LRRC9: variants seen among roughly 807,000 people sequenced by gnomAD.
LRRC9 encodes leucine-rich repeat-containing protein 9.
In LRRC9, 122 loss-of-function variants were observed where a neutral mutation model predicts 63.2. That is an observed-to-expected ratio of 1.93 (90% CI 1.67 to 2.24). LRRC9 has a LOEUF of 2.24. Among genes scored for constraint, LRRC9 ranks in the 30% most tolerant of loss-of-function variants. The pLI is 0.00. For synonymous variants in LRRC9, 366 were observed against 213.1 expected (o/e 1.72, Z -6.25); for missense variants, 1,071 against 627.7 (o/e 1.71, Z -7.55).
intron 1 of LRRC9, among the ~76,000 whole-genome samples, chr14:59,920,774 T>A (rs1888704105): frequency 6.6e-6 from 1 of 152,248 alleles, no homozygotes; most frequent in African/African-American, 2.4e-5. Flanking sequence ...ATGGTCCTTT[T>A]TACTCTATCA....
At chr14:60,044,977 T>A (rs181685798) in intron 29 of LRRC9, among the ~76,000 whole-genome samples, 1 of 152,256 alleles carries the variant, frequency 6.6e-6, no homozygotes, top group East Asian at 1.9e-4. Context: ...TAGTGTTCAG[T>A]GCATAGATAT....
At chr14:59,931,999 A>G in exon 6 of LRRC9, 1 of 700,276 alleles carries the variant, frequency 1.4e-6, no homozygotes, top group Non-Finnish European at 2.6e-6. Flanking sequence ...GAACAACTGG[A>G]AAGATTAAAC....
chr14:59,952,366 G>A (rs983251636), intron 8 of LRRC9, among the ~76,000 whole-genome samples: 1 of 152,122 alleles, frequency 6.6e-6, no homozygotes, highest in Non-Finnish European at 1.5e-5. Flanking sequence ...GCTCGCGCAC[G>A]GTGCGCGCAC....
rs1881600150 is a variant in LRRC9 at position 59,940,114 on chromosome 14, G to A, written c.726+1542G>A. The stretch of plus-strand genomic sequence containing the variant: ...CTGAGATTCTCATACATTTGGTTCA[G>A]TCTTGTAAACGTCAGGAGTAGCATA... On this transcript the variant is annotated intron_variant, in intron 7 of 31. Coordinates refer to ENST00000445360, the Ensembl canonical transcript of LRRC9. Among the ~76,000 whole-genome samples, 6 of 152,098 alleles carry A rather than the reference G, an allele frequency of 3.9e-5. 1 individual carries two copies. In the Middle Eastern group the frequency reaches 0.017, roughly 431 times the overall value.
intron 30 of LRRC9, chr14:60,054,039 C>T (rs1595121894): frequency 2.5e-6 from 1 of 400,924 alleles, no homozygotes; most frequent in South Asian, 1.9e-5. Flanking sequence ...AACCAGAAAC[C>T]AAGGACATTA....
rs1889662501 is a variant in LRRC9 at position 59,931,064 on chromosome 14, A to T, written c.408+6A>T. On this transcript the variant is annotated splice_donor_region_variant and intron_variant, in intron 4 of 31. Transcript: ENST00000445360. ...ATACAATTAAAAATATTGAGGTAAG[A>T]TAATAATTTCAATTATCTATATGTA... 1 of 364,176 alleles carries T rather than the reference A, an allele frequency of 2.7e-6. No homozygotes were observed. Among genetic ancestry groups the T allele is most frequent in the East Asian group, 4.1e-5 (1 of 24,172 alleles). 22.6% of individuals were successfully genotyped at this position (364,176 alleles called of 1,614,324 possible).
rs192560991 is a variant in LRRC9, at chr14:59,957,739, G to T, written c.883-2079G>T. On this transcript the variant is annotated intron_variant, in intron 8 of 31. Coordinates refer to ENST00000445360, the Ensembl canonical transcript of LRRC9. ...GGTTTTTGGAATTTTCAGCGTTTTT[G>T]TGCTGGTTTTTCCTCATCTTCATGG... 3.2e-4 allele frequency among the ~76,000 whole-genome samples: 48 copies of T among 152,244 alleles called. No homozygotes were observed. The East Asian group carries it at 8.3e-3, about 26-fold the overall frequency.
At chr14:59,976,024 A>T (rs1033032813) in intron 13 of LRRC9, among the ~76,000 whole-genome samples, 3 of 152,206 alleles carry the variant, frequency 2.0e-5, no homozygotes, top group African/African-American at 7.2e-5. Flanking sequence ...GCAGCATTTG[A>T]TTCTTATAGG....
In LRRC9 at chr14:59,930,070, T is replaced by C. The variant is rs1479888794; in HGVS notation, c.268-848T>C. Among the ~76,000 whole-genome samples, 1 of 151,904 alleles carries C rather than the reference T, an allele frequency of 6.6e-6. No individual in the cohort carries two copies. ...TGCACATGCACCCCTGAACTTAAAA[T>C]ATAAGTTCAATAAATAAATAAATTG... On this transcript the variant is annotated intron_variant, in intron 3 of 31. Coordinates refer to ENST00000445360, the Ensembl canonical transcript of LRRC9. The surrounding 1 kb of genome is among the most constrained non-coding windows in gnomAD (Gnocchi z 4.9).
intron 22 of LRRC9, 133 bp from the exon 23 acceptor site, chr14:60,007,959 A>ATT: frequency 2.4e-6 from 1 of 424,808 alleles, no homozygotes; most frequent in Non-Finnish European, 4.1e-6. Flanking sequence ...AAAAAAAAAA[A>ATT]AAAGTATACT....
In LRRC9 at chr14:60,017,594, A is replaced by G. The variant is rs1196465798; in HGVS notation, c.3318-777A>G. Among the ~76,000 whole-genome samples the G allele has an allele frequency of 6.6e-6, 1 of 152,036 alleles. No homozygotes were observed. Among genetic ancestry groups the G allele is most frequent in the African/African-American group, 2.4e-5 (1 of 41,422 alleles). On this transcript the variant is annotated intron_variant, in intron 24 of 31. Coordinates refer to ENST00000445360, the Ensembl canonical transcript of LRRC9. The surrounding 1 kb of genome is among the most constrained non-coding windows in gnomAD (Gnocchi z 4.0). Reference sequence around the variant, plus strand: ...GCTCCCACTTCTTGGGGGCTGAAACATTTCTTTCATCTTTCTTGTAGCCTT... The same window carrying G: ...GCTCCCACTTCTTGGGGGCTGAAACGTTTCTTTCATCTTTCTTGTAGCCTT...
At chr14:60,028,249 T>A in intron 28 of LRRC9, 148 bp downstream of exon 28, 1 of 579,700 alleles carries the variant, frequency 1.7e-6, no homozygotes. Context: ...ATAGAAATAG[T>A]CTGTGATGCA....
chr14:60,038,002 G>A (rs1207468502), intron 29 of LRRC9, among the ~76,000 whole-genome samples: 1 of 152,142 alleles, frequency 6.6e-6, no homozygotes, highest in Non-Finnish European at 1.5e-5. Flanking sequence ...AGTTTTCCCA[G>A]CACCATTTAT....
At chr14:59,946,826 G>T (rs1475318275) in intron 8 of LRRC9, among the ~76,000 whole-genome samples, 1 of 141,150 alleles carries the variant, frequency 7.1e-6, no homozygotes, top group Non-Finnish European at 1.5e-5. Context: ...TCCCTACAAA[G>T]GACATGAACT....
chr14:60,025,436 AG>A, intron 27 of LRRC9, among the ~76,000 whole-genome samples: 1 of 152,142 alleles, frequency 6.6e-6, no homozygotes, highest in East Asian at 1.9e-4. Context: ...CATACAAAAA[AG>A]CAGACCACCT....
rs1440642088 is a variant in LRRC9, at chr14:59,990,598, G to A, written c.2211+5374G>A. On this transcript the variant is annotated intron_variant, in intron 17 of 31. Coordinates refer to ENST00000445360, the Ensembl canonical transcript of LRRC9. The surrounding 1 kb of genome is among the most constrained non-coding windows in gnomAD (Gnocchi z 4.2). ...TTAAAAAAAAAAACAATTTTGTAGA[G>A]ATGGGGTTTCACTATGGTGCCTAGG... 6.6e-6 allele frequency among the ~76,000 whole-genome samples: 1 copy of A among 151,856 alleles called. No individual in the cohort carries two copies. Among genetic ancestry groups the A allele is most frequent in the East Asian group, 1.9e-4 (1 of 5,170 alleles).
intron 17 of LRRC9, among the ~76,000 whole-genome samples, chr14:59,993,151 A>G (rs531846196): frequency 2.0e-5 from 3 of 152,358 alleles, no homozygotes; most frequent in African/African-American, 7.2e-5. Flanking sequence ...AGTGGGGACC[A>G]ATATTCAACA....
intron 6 of LRRC9, among the ~76,000 whole-genome samples, chr14:59,934,662 G>A (rs1015422550): frequency 6.6e-6 from 1 of 152,128 alleles, no homozygotes; most frequent in African/African-American, 2.4e-5. Context: ...GTGTGTGCAC[G>A]CATGCACGTG....
chr14:60,050,998 G>C (rs1041103005), intron 29 of LRRC9, among the ~76,000 whole-genome samples: 2 of 152,206 alleles, frequency 1.3e-5, no homozygotes, highest in Admixed American at 1.3e-4. Context: ...TGGCCCAAAT[G>C]CACCTGTAGG....
Sources: allele counts gnomAD v4.1 joint callset (sites outside exome capture counted in the v4.1 genomes callset), GRCh38; gene constraint gnomAD v4.1.1; non-coding constraint Gnocchi (gnomAD v3.1); transcripts MANE v1.5; gene names NCBI Gene and HGNC (gene_info 2026-07-23, HGNC 2026-07-21).